The following REC114 variants were observed in gnomAD, a reference collection of about 807,000 sequenced individuals.
REC114 encodes the protein REC114 meiotic recombination protein, also known as meiotic recombination protein REC114.
REC114 carries 27 observed loss-of-function variants against 31.3 expected under a neutral mutation model. That is an observed-to-expected ratio of 0.86 (90% CI 0.64 to 1.19). The LOEUF (loss-of-function observed/expected upper bound fraction) is 1.19, where lower values mean the gene tolerates loss of function less well. Among genes scored for constraint, REC114 ranks in the 50% most tolerant of loss-of-function variants. The probability of loss-of-function intolerance (pLI) is 0.00; values close to 1 mark genes in which losing one functional copy is unlikely to be tolerated. For missense variants in REC114, 344 were observed against 326.9 expected (o/e 1.05, Z -0.40); for synonymous variants, 134 against 127.7 (o/e 1.05, Z -0.33).
chr15:73,452,855 C>G (rs928122498), intron 1 of REC114, among the ~76,000 whole-genome samples: 2 of 152,284 alleles, frequency 1.3e-5, no homozygotes, highest in South Asian at 2.1e-4. Context: ...TGATCTTTGA[C>G]AAACCTGACA....
At chr15:73,500,528 G>A (rs909188400) in intron 2 of REC114, among the ~76,000 whole-genome samples, 12 of 152,158 alleles carry the variant, frequency 7.9e-5, no homozygotes, top group Non-Finnish European at 1.5e-4. Context: ...ATTGTTCACT[G>A]GGGAGAGATC....
intron 2 of REC114, among the ~76,000 whole-genome samples, chr15:73,508,595 TC>T (rs1214178385): frequency 1.4e-5 from 1 of 70,970 alleles, no homozygotes; most frequent in Non-Finnish European, 2.6e-5. Context: ...CCCTCCCCCC[TC>T]CCCCCACCCC....
intron 1 of REC114, among the ~76,000 whole-genome samples, chr15:73,450,105 C>T (rs886320072): frequency 1.3e-5 from 2 of 152,168 alleles, no homozygotes; most frequent in Non-Finnish European, 2.9e-5. Context: ...AACCAGCTAA[C>T]ATCATAACGA....
chr15:73,456,788 T>C (rs1195093302), intron 1 of REC114, among the ~76,000 whole-genome samples: 1 of 152,174 alleles, frequency 6.6e-6, no homozygotes, highest in Non-Finnish European at 1.5e-5. Context: ...CTCCTTTTCT[T>C]GTCTGTAAAA....
At chr15:73,463,652 C>T (rs533012822) in intron 1 of REC114, among the ~76,000 whole-genome samples, 18 of 152,268 alleles carry the variant, frequency 1.2e-4, no homozygotes, top group African/African-American at 4.1e-4. Context: ...GAAACCCCAT[C>T]TCTACTAAAA....
chr15:73,458,123 T>G (rs532281898), intron 1 of REC114, among the ~76,000 whole-genome samples: 59 of 152,324 alleles, frequency 3.9e-4, no homozygotes, highest in Non-Finnish European at 3.8e-4. Context: ...CATGGCCCAA[T>G]TCTGAAGAAA....
chr15:73,469,973 G>C (rs1893111506), intron 1 of REC114, among the ~76,000 whole-genome samples: 1 of 152,032 alleles, frequency 6.6e-6, no homozygotes, highest in East Asian at 1.9e-4. Context: ...CATTAGCTTG[G>C]TATATATTTT....
intron 2 of REC114, among the ~76,000 whole-genome samples, chr15:73,529,094 T>A (rs961208788): frequency 3.3e-5 from 5 of 152,018 alleles, no homozygotes; most frequent in African/African-American, 1.2e-4. Flanking sequence ...TGTGATTATA[T>A]TTTAAGAGGT....
chr15:73,492,018 C>T (rs563367633), intron 2 of REC114, among the ~76,000 whole-genome samples: 9 of 152,190 alleles, frequency 5.9e-5, no homozygotes, highest in Admixed American at 2.0e-4. Context: ...TTAAGTTATT[C>T]TTGTGTGTGT....
intron 2 of REC114, among the ~76,000 whole-genome samples, chr15:73,532,670 C>G (rs1204247032): frequency 6.6e-6 from 1 of 152,110 alleles, no homozygotes; most frequent in Non-Finnish European, 1.5e-5. Flanking sequence ...CGTTCAGATT[C>G]AGGAAATACA....
chr15:73,536,080 A>G (rs1461140645), intron 2 of REC114, among the ~76,000 whole-genome samples: 1 of 151,998 alleles, frequency 6.6e-6, no homozygotes, highest in Non-Finnish European at 1.5e-5. Flanking sequence ...ACCCTGGAAG[A>G]AAACCTAGGC....
At chr15:73,509,212 T>C (rs920756452) in intron 2 of REC114, among the ~76,000 whole-genome samples, 19 of 152,004 alleles carry the variant, frequency 1.2e-4, no homozygotes, top group Admixed American at 1.1e-3. Context: ...TGAGCATTTT[T>C]TCATGTGTTT....
At chr15:73,451,325 A>G (rs1464233360) in intron 1 of REC114, among the ~76,000 whole-genome samples, 1 of 152,234 alleles carries the variant, frequency 6.6e-6, no homozygotes, top group African/African-American at 2.4e-5. Context: ...CAGAAATGCA[A>G]ACTGCCATCA....
chr15:73,478,204 C>T (rs1035143340), intron 2 of REC114, among the ~76,000 whole-genome samples: 1 of 136,282 alleles, frequency 7.3e-6, no homozygotes, highest in Non-Finnish European at 1.5e-5. Context: ...ACAGAGGTTG[C>T]AGTGACCCGA....
intron 1 of REC114, among the ~76,000 whole-genome samples, chr15:73,455,204 G>A (rs992393771): frequency 6.6e-6 from 1 of 151,970 alleles, no homozygotes; most frequent in Non-Finnish European, 1.5e-5. Context: ...AATAAAAGAT[G>A]AGCCATCTAA....
chr15:73,514,179 A>G (rs939247347), intron 2 of REC114, among the ~76,000 whole-genome samples: 3 of 151,208 alleles, frequency 2.0e-5, no homozygotes, highest in African/African-American at 7.3e-5. Flanking sequence ...TGAAAAGCGC[A>G]ATATTCGGGT....
intron 2 of REC114, among the ~76,000 whole-genome samples, chr15:73,503,032 A>C (rs1468239511): frequency 6.6e-6 from 1 of 152,234 alleles, no homozygotes; most frequent in South Asian, 2.1e-4. Flanking sequence ...GTTTGCAAGG[A>C]TGCAGAATAA....
Position 73,551,125 on chromosome 15 carries a change from C to CAA in REC114, c.523_524dup (p.Ser176ArgfsTer20), listed in dbSNP as rs769571961. On this transcript the variant is annotated frameshift_variant, in exon 4 of 6. Coordinates refer to ENST00000331090, the MANE Select transcript of REC114 (RefSeq NM_001042367.2). LOFTEE classifies it high-confidence loss of function. The stretch of plus-strand genomic sequence containing the variant: ...ACTGAAAGTCAAGGGAAGGATTCTG[C>CAA]AAAGAGTGTCCCACGGCAGCCTGGA... The CAA allele has an allele frequency of 1.2e-6, 2 of 1,610,478 alleles. No individual in the cohort carries two copies. Among genetic ancestry groups the CAA allele is most frequent in the Non-Finnish European group, 1.7e-6 (2 of 1,178,346 alleles).
chr15:73,556,296 T>G lies in REC114; in HGVS notation c.547-6T>G. 1 of 1,612,426 alleles carries G rather than the reference T, an allele frequency of 6.2e-7. No individual in the cohort carries two copies. Among genetic ancestry groups the G allele is most frequent in the Non-Finnish European group, 8.5e-7 (1 of 1,179,260 alleles). On this transcript the variant is annotated splice_region_variant and splice_polypyrimidine_tract_variant and intron_variant, in intron 4 of 5. Transcript: ENST00000331090. ...AGTCTCCTTATTGCATGTTGTTTTATTCCAGTCCCACCAGCACTCAGAACA... is the reference window on the plus strand; with the variant it reads ...AGTCTCCTTATTGCATGTTGTTTTAGTCCAGTCCCACCAGCACTCAGAACA...
Sources: gnomAD v4.1 joint callset for allele counts (sites outside exome capture counted in the v4.1 genomes callset) on GRCh38, gnomAD v4.1.1 for gene constraint, MANE v1.5 for transcripts, NCBI Gene and HGNC (gene_info 2026-07-23, HGNC 2026-07-21) for gene names.